SLC26A11: variants seen among roughly 807,000 people sequenced by gnomAD.
SLC26A11 encodes the protein sodium-independent sulfate anion transporter.
A neutral mutation model predicts 62.2 loss-of-function variants in SLC26A11; 58 were observed. That is an observed-to-expected ratio of 0.93 (90% CI 0.76 to 1.16). SLC26A11 has a LOEUF of 1.16. Ranked by LOEUF, SLC26A11 falls within the 50% of genes most tolerant of loss-of-function variation. SLC26A11 has a pLI of 0.00. For synonymous variants in SLC26A11, 411 were observed against 368.9 expected (o/e 1.11, Z -1.31); for missense variants, 790 against 794.3 (o/e 0.99, Z 0.06).
intron 9 of SLC26A11, among the ~76,000 whole-genome samples, chr17:80,240,451 T>C (rs1252695717): frequency 6.6e-6 from 1 of 152,128 alleles, no homozygotes; most frequent in Non-Finnish European, 1.5e-5. Flanking sequence ...CTCTCTGAGA[T>C]GGCCCGTCTT....
chr17:80,243,223 G>A (rs1451303382), intron 10 of SLC26A11, among the ~76,000 whole-genome samples: 5 of 152,142 alleles, frequency 3.3e-5, no homozygotes, highest in Admixed American at 6.5e-5. Flanking sequence ...GACGTTGCCC[G>A]GGCTTCTCTC....
At chr17:80,224,218 AGTG>A in intron 5 of SLC26A11, among the ~76,000 whole-genome samples, 1 of 135,800 alleles carries the variant, frequency 7.4e-6, no homozygotes. Context: ...TGAATGAGTG[AGTG>A]TGTGAGAGTG....
intron 7 of SLC26A11, among the ~76,000 whole-genome samples, chr17:80,232,038 G>A (rs2042577944): frequency 6.6e-6 from 1 of 152,174 alleles, no homozygotes. Context: ...AATAACTTCA[G>A]CTATAACCAT....
intron 6 of SLC26A11, among the ~76,000 whole-genome samples, chr17:80,227,079 C>T (rs895232385): frequency 2.6e-5 from 4 of 152,152 alleles, no homozygotes; most frequent in African/African-American, 4.8e-5. Context: ...CCTTACTGAC[C>T]GTTTAGTCCT....
At chr17:80,244,126 C>CACCT (rs2042934860) in intron 10 of SLC26A11, among the ~76,000 whole-genome samples, 1 of 152,246 alleles carries the variant, frequency 6.6e-6, no homozygotes, top group Non-Finnish European at 1.5e-5. Flanking sequence ...GCAGGCCCTG[C>CACCT]ACCTGTGAGA....
intron 7 of SLC26A11, among the ~76,000 whole-genome samples, chr17:80,230,964 G>A (rs2042549087): frequency 2.0e-5 from 3 of 152,012 alleles, no homozygotes; most frequent in South Asian, 2.1e-4. Context: ...GACTTCACCC[G>A]AGTCGTCTGT....
At position 80,248,195 on chromosome 17, in the gene SLC26A11, C is replaced by G. The variant is rs755245365; in HGVS notation, c.1360C>G (p.Leu454Val). Reference protein sequence around the residue: ...LCFWEVQYGILAGALVSLLML... With the variant: ...LCFWEVQYGIVAGALVSLLML... Reference sequence around the variant, plus strand: ...CTTCTGGGAGGTGCAGTACGGCATCCTGGCCGGGGCCCTGGTGTCTCTGCT... The same window carrying G: ...CTTCTGGGAGGTGCAGTACGGCATCGTGGCCGGGGCCCTGGTGTCTCTGCT... The change falls in exon 14 of 18, where the codon CTG (leucine) becomes GTG (valine). Residue 454 changes from leucine (L) to valine (V), a missense_variant. By Grantham distance (32) the Leu-to-Val change is conservative. Coordinates refer to ENST00000361193, the MANE Select transcript of SLC26A11 (RefSeq NM_001166347.2). 8.1e-6 allele frequency: 13 copies of G among 1,609,374 alleles called. No homozygotes were observed. The highest frequency in any genetic ancestry group is 3.3e-5 in the South Asian group (3 of 90,876).
At chr17:80,248,813 C>T (rs1483248623) in intron 15 of SLC26A11, 139 bp downstream of exon 15, 2 of 891,322 alleles carry the variant, frequency 2.2e-6, no homozygotes, top group Non-Finnish European at 3.4e-6. Flanking sequence ...GTGGGCTGGA[C>T]CGTCCTCTGT....
In SLC26A11 at chr17:80,248,563, T is replaced by G. The variant is rs2043072502; in HGVS notation, c.1423-12T>G. On this transcript the variant is annotated splice_polypyrimidine_tract_variant and intron_variant, in intron 14 of 17. Coordinates refer to ENST00000361193, the MANE Select transcript of SLC26A11 (RefSeq NM_001166347.2). ...GGTCAGACCCGCCTCCAGGACTCACTCCTCCCCACAGGTGTCAGAGGGGCC... is the reference window on the plus strand; with the variant it reads ...GGTCAGACCCGCCTCCAGGACTCACGCCTCCCCACAGGTGTCAGAGGGGCC... 6.4e-7 allele frequency: 1 copy of G among 1,564,988 alleles called. No individual in the cohort carries two copies. The highest frequency in any genetic ancestry group is 1.9e-5 in the Admixed American group (1 of 53,466).
rs1321254379 is a variant in SLC26A11, at chr17:80,248,590, G to A, written c.1438G>A (p.Val480Ile). 1 of 1,585,138 alleles carries A rather than the reference G, an allele frequency of 6.3e-7. No homozygotes were observed. Among genetic ancestry groups the A allele is most frequent in the Non-Finnish European group, 8.6e-7 (1 of 1,166,104 alleles). Reference protein sequence around the residue: ...RPETKVSEGPVLVLQPASGLS... With the variant: ...RPETKVSEGPILVLQPASGLS... ...CTCCCCACAGGTGTCAGAGGGGCCG[G>A]TTCTGGTCCTGCAGCCGGCCAGCGG... Residue 480 changes from valine to isoleucine, a missense_variant, in exon 15 of 18, where the codon GTT becomes ATT. Val to Ile is a conservative substitution (Grantham distance 29, BLOSUM62 3). Transcript: ENST00000361193.
intron 15 of SLC26A11, among the ~76,000 whole-genome samples, chr17:80,248,953 G>A (rs1314037977): frequency 6.6e-6 from 1 of 152,184 alleles, no homozygotes; most frequent in Non-Finnish European, 1.5e-5. Context: ...TGAGTCCTAG[G>A]AGGGAAACAG....
At chr17:80,232,595 G>A (rs2042592165) in intron 7 of SLC26A11, among the ~76,000 whole-genome samples, 2 of 152,088 alleles carry the variant, frequency 1.3e-5, no homozygotes, top group Non-Finnish European at 2.9e-5. Flanking sequence ...GTGTTTAATG[G>A]TATGTTTTAT....
intron 7 of SLC26A11, among the ~76,000 whole-genome samples, chr17:80,234,299 C>T (rs1264491992): frequency 1.3e-5 from 2 of 152,244 alleles, no homozygotes; most frequent in East Asian, 3.8e-4. Context: ...GCCACTTTGC[C>T]TGGCCTCAGG....
chr17:80,224,983 T>C (rs1027364051), intron 5 of SLC26A11, among the ~76,000 whole-genome samples: 3 of 151,922 alleles, frequency 2.0e-5, no homozygotes, highest in Non-Finnish European at 2.9e-5. Context: ...TCCTTGAGCC[T>C]GTGGCCATGG....
chr17:80,237,559 G>A lies in SLC26A11; in HGVS notation c.950G>A (p.Gly317Asp), dbSNP rs745672652. 1 of 1,612,184 alleles carries A rather than the reference G, an allele frequency of 6.2e-7. No homozygotes were observed. The highest frequency in any genetic ancestry group is 2.2e-5 in the East Asian group (1 of 44,840). Reference protein sequence around the residue: ...GAGLAVVPLMGLLESIAVAKA... With the variant: ...GAGLAVVPLMDLLESIAVAKA... ...GGGCTGGCCGTGGTGCCCCTGATGG[G>A]CCTCCTGGAGAGCATTGCGGTGGCC... Residue 317 changes from glycine (G) to aspartate (D), a missense_variant, in exon 9 of 18, where the codon GGC becomes GAC. By Grantham distance (94) the Gly-to-Asp change is moderately conservative. Transcript: ENST00000361193.
intron 1 of SLC26A11, among the ~76,000 whole-genome samples, chr17:80,220,711 C>T (rs1271209405): frequency 2.0e-5 from 3 of 151,836 alleles, no homozygotes; most frequent in Non-Finnish European, 4.4e-5. Context: ...GGTCAGGTGG[C>T]GCAGGGTCTC....
Position 80,223,330 on chromosome 17 carries a change from A to G in SLC26A11, c.506A>G (p.Gln169Arg). 1 of 1,614,084 alleles carries G rather than the reference A, an allele frequency of 6.2e-7. No individual in the cohort carries two copies. The highest frequency in any genetic ancestry group is 8.5e-7 in the Non-Finnish European group (1 of 1,180,012). ...SAAAVTIGFG[Q>R]IKNLLGLQNI... ...GCTGCCGTCACCATCGGCTTTGGAC[A>G]GATCAAGGTAGGCACGGCGCCCACC... Residue 169 changes from glutamine (Q) to arginine (R), a missense_variant, in exon 5 of 18, where the codon CAG becomes CGG. Physicochemically the swap from Gln to Arg is conservative, Grantham distance 43 (BLOSUM62 1). Coordinates refer to ENST00000361193, the MANE Select transcript of SLC26A11 (RefSeq NM_001166347.2). This position sits in a 1 kb window ranked among gnomAD's most constrained non-coding sequence, Gnocchi z 4.6.
rs2042260935 is a variant in SLC26A11 at position 80,222,838 on chromosome 17, C to T, written c.418C>T (p.Leu140=). The part of the protein sequence containing the change: ...SGCIQLAMGV[L]RLGFLLDFIS... ...CTGCATCCAGCTGGCCATGGGGGTC[C>T]TGCGTTTGGGTGAGGCTCTACCTTC... The change falls in exon 4 of 18, where the codon CTG becomes TTG. Residue 140 remains leucine, a synonymous_variant. Coordinates refer to ENST00000361193, the MANE Select transcript of SLC26A11 (RefSeq NM_001166347.2). The surrounding 1 kb of genome is among the most constrained non-coding windows in gnomAD (Gnocchi z 4.7). 6.2e-7 allele frequency: 1 copy of T among 1,613,920 alleles called. No individual in the cohort carries two copies.
Position 80,225,891 on chromosome 17 carries a change from A to G in SLC26A11, c.568A>G (p.Thr190Ala), listed in dbSNP as rs1285623464. ...PRPFFLQVYH[T>A]FLRIAETRVG... ...GCCGTTCTTCCTGCAGGTGTACCACACCTTCCTCAGGATTGCAGAGACCAG... is the reference window on the plus strand; with the variant it reads ...GCCGTTCTTCCTGCAGGTGTACCACGCCTTCCTCAGGATTGCAGAGACCAG... The change falls in exon 6 of 18, where the codon ACC becomes GCC. Residue 190 changes from threonine (T) to alanine (A), a missense_variant. Transcript: ENST00000361193. 13 of 1,613,814 alleles carry G rather than the reference A, an allele frequency of 8.1e-6. No homozygotes were observed. The highest frequency in any genetic ancestry group is 1.1e-5 in the Non-Finnish European group (13 of 1,179,910).
Sources: gnomAD v4.1 joint callset for allele counts (sites outside exome capture counted in the v4.1 genomes callset) on GRCh38, gnomAD v4.1.1 for gene constraint, Gnocchi (gnomAD v3.1) non-coding constraint, MANE v1.5 for transcripts, NCBI Gene and HGNC (gene_info 2026-07-23, HGNC 2026-07-21) for gene names.